FARS2: variants seen among roughly 807,000 people sequenced by gnomAD.
The protein encoded by FARS2 is phenylalanine--tRNA ligase, mitochondrial.
In FARS2, 40 loss-of-function variants were observed where a neutral mutation model predicts 46.4. The ratio of observed to expected loss-of-function variants is 0.86; its 90% confidence interval spans 0.67 to 1.12. The LOEUF (loss-of-function observed/expected upper bound fraction) is 1.12, where lower values mean the gene tolerates loss of function less well. FARS2 is among the 50% of genes most tolerant of loss of function. FARS2 has a pLI of 0.00. For synonymous variants in FARS2, 234 were observed against 214.9 expected (o/e 1.09, Z -0.78); for missense variants, 513 against 567.9 (o/e 0.90, Z 0.98).
intron 4 of FARS2, among the ~76,000 whole-genome samples, chr6:5,483,009 T>C (rs527426425): frequency 1.3e-5 from 2 of 152,252 alleles, no homozygotes; most frequent in East Asian, 3.9e-4. Context: ...TACGCACATC[T>C]ATCCACCTCT....
intron 4 of FARS2, among the ~76,000 whole-genome samples, chr6:5,469,957 A>G (rs1765720498): frequency 6.6e-6 from 1 of 152,216 alleles, no homozygotes; most frequent in African/African-American, 2.4e-5. Context: ...CAAAAATAGG[A>G]ATAATACTGG....
intron 1 of FARS2, among the ~76,000 whole-genome samples, chr6:5,323,320 G>T (rs975638176): frequency 6.6e-6 from 1 of 152,162 alleles, no homozygotes; most frequent in African/African-American, 2.4e-5. Context: ...GTCATTTAAA[G>T]TGAGAGAGCT....
At chr6:5,465,644 T>C (rs1765471944) in intron 4 of FARS2, among the ~76,000 whole-genome samples, 1 of 152,216 alleles carries the variant, frequency 6.6e-6, no homozygotes, top group Admixed American at 6.5e-5. Flanking sequence ...TCTATAGCCA[T>C]GTCTCTCTAA....
chr6:5,333,166 T>A (rs144529808), intron 1 of FARS2, among the ~76,000 whole-genome samples: 18 of 152,296 alleles, frequency 1.2e-4, no homozygotes, highest in Non-Finnish European at 1.9e-4. Flanking sequence ...ACTAAAAGAT[T>A]TTGGGAACAG....
At chr6:5,469,636 C>T (rs761112655) in intron 4 of FARS2, among the ~76,000 whole-genome samples, 8 of 152,118 alleles carry the variant, frequency 5.3e-5, no homozygotes, top group South Asian at 2.1e-4. Flanking sequence ...CAGGATGACT[C>T]GCTTCAAGTG....
At chr6:5,402,510 G>T (rs1013189622) in intron 2 of FARS2, among the ~76,000 whole-genome samples, 16 of 151,658 alleles carry the variant, frequency 1.1e-4, no homozygotes, top group Non-Finnish European at 1.5e-5. Flanking sequence ...TTCCTTTTTG[G>T]TTGTGTAAAA....
intron 4 of FARS2, among the ~76,000 whole-genome samples, chr6:5,454,791 A>ACCAGCTCTCTGG (rs1212900293): frequency 7.9e-5 from 12 of 152,288 alleles, no homozygotes; most frequent in African/African-American, 2.9e-4. Context: ...CTTTGCTCTG[A>ACCAGCTCTCTGG]CCAGCTCTCT....
chr6:5,622,008 G>A (rs1263726332), intron 6 of FARS2, among the ~76,000 whole-genome samples: 1 of 152,218 alleles, frequency 6.6e-6, no homozygotes, highest in Non-Finnish European at 1.5e-5. Flanking sequence ...ATTATCCAGT[G>A]CAAATTCTGG....
At chr6:5,604,219 C>T (rs1285593162) in intron 5 of FARS2, among the ~76,000 whole-genome samples, 5 of 152,164 alleles carry the variant, frequency 3.3e-5, no homozygotes, top group African/African-American at 7.2e-5. Flanking sequence ...CTGACAGAGC[C>T]GTTCCTCTGT....
chr6:5,758,779 A>G (rs1413555775), intron 6 of FARS2, among the ~76,000 whole-genome samples: 5 of 152,086 alleles, frequency 3.3e-5, no homozygotes, highest in African/African-American at 9.7e-5. Flanking sequence ...TAAAAAATGG[A>G]GTCAATTTAA....
At chr6:5,453,404 A>T (rs1337671819) in intron 4 of FARS2, among the ~76,000 whole-genome samples, 3 of 152,250 alleles carry the variant, frequency 2.0e-5, no homozygotes, top group Admixed American at 1.3e-4. Context: ...TACTATCTAC[A>T]GTGTCTGCAA....
chr6:5,385,524 C>T (rs6914496), intron 2 of FARS2, among the ~76,000 whole-genome samples: 2,693 of 151,628 alleles, frequency 0.018, 83 homozygotes, highest in African/African-American at 0.062. Context: ...CAGGTTCAAG[C>T]GATTCTTCTG....
chr6:5,347,236 G>T (rs1757297040), intron 1 of FARS2, among the ~76,000 whole-genome samples: 1 of 152,116 alleles, frequency 6.6e-6, no homozygotes, highest in African/African-American at 2.4e-5. Flanking sequence ...TCTGACAAAA[G>T]TATGTATCTT....
intron 6 of FARS2, among the ~76,000 whole-genome samples, chr6:5,707,403 T>C (rs973261414): frequency 6.6e-6 from 1 of 152,174 alleles, no homozygotes; most frequent in Non-Finnish European, 1.5e-5. Flanking sequence ...CTTCCCCACT[T>C]AGGAACACGT....
chr6:5,682,815 A>T (rs1322728844), intron 6 of FARS2, among the ~76,000 whole-genome samples: 2 of 152,202 alleles, frequency 1.3e-5, no homozygotes, highest in Non-Finnish European at 2.9e-5. Context: ...AAGTAGTGAC[A>T]CCCGCAGTGA....
intron 4 of FARS2, among the ~76,000 whole-genome samples, chr6:5,541,504 G>C (rs528479578): frequency 3.3e-5 from 5 of 152,142 alleles, no homozygotes; most frequent in Non-Finnish European, 7.4e-5. Flanking sequence ...GTTTCGCCTT[G>C]TCTAGAATGT....
chr6:5,502,647 A>G (rs929102207), intron 4 of FARS2, among the ~76,000 whole-genome samples: 2 of 152,248 alleles, frequency 1.3e-5, no homozygotes, highest in Admixed American at 6.5e-5. Flanking sequence ...CATGTAAGAA[A>G]CACAATGCAG....
chr6:5,559,753 T>C (rs887890112), intron 5 of FARS2, among the ~76,000 whole-genome samples: 3 of 151,514 alleles, frequency 2.0e-5, no homozygotes, highest in African/African-American at 7.3e-5. Flanking sequence ...TTTTGAAAAG[T>C]GATAGTAATT....
At chr6:5,576,873 G>A (rs1416482324) in intron 5 of FARS2, among the ~76,000 whole-genome samples, 2 of 151,016 alleles carry the variant, frequency 1.3e-5, no homozygotes, top group Non-Finnish European at 2.9e-5. Context: ...TCCCAGATTT[G>A]GCCACTGGGA....
Sources: allele counts gnomAD v4.1 joint callset (sites outside exome capture counted in the v4.1 genomes callset), GRCh38; gene constraint gnomAD v4.1.1; transcripts MANE v1.5; gene names NCBI Gene and HGNC (gene_info 2026-07-23, HGNC 2026-07-21).